Variants in TANC2 observed in about 807,000 individuals in gnomAD.
TANC2 encodes protein TANC2.
Under a neutral mutation model 210.5 loss-of-function variants are expected in TANC2, and 26 were observed. The ratio of observed to expected loss-of-function variants is 0.12; its 90% CI spans 0.09 to 0.17. TANC2 has a LOEUF of 0.17. TANC2 is among the 10% of genes least tolerant of loss of function. The pLI is 1.00. For synonymous variants in TANC2, 931 were observed against 967.1 expected (o/e 0.96, Z 0.69); for missense variants, 2,129 against 2,608.9 (o/e 0.82, Z 4.01).
chr17:63,109,519 A>C, intron 4 of TANC2, among the ~76,000 whole-genome samples: 1 of 151,736 alleles, frequency 6.6e-6, no homozygotes, highest in Non-Finnish European at 1.5e-5. Flanking sequence ...GTAACCATAG[A>C]AATCAAAGAT....
intron 4 of TANC2, among the ~76,000 whole-genome samples, chr17:63,122,862 A>T (rs778917992): frequency 5.6e-4 from 85 of 152,360 alleles, no homozygotes; most frequent in Non-Finnish European, 1.0e-3. Context: ...ATTGTTTATT[A>T]TGTAGACTAG....
chr17:63,427,165 C>T (rs2049165718), exon 28 of TANC2: 1 of 152,258 alleles, frequency 6.6e-6, no homozygotes, highest in Non-Finnish European at 1.5e-5. Flanking sequence ...GCGTGGCCTC[C>T]TTTCCATCTA....
At chr17:62,996,271 C>T (rs1408762364) in intron 1 of TANC2, among the ~76,000 whole-genome samples, 1 of 152,176 alleles carries the variant, frequency 6.6e-6, no homozygotes, top group Admixed American at 6.5e-5. Context: ...TATTTGAGTC[C>T]TTGTGGACAA....
chr17:63,370,485 T>A (rs2047235983), intron 14 of TANC2, among the ~76,000 whole-genome samples: 1 of 152,186 alleles, frequency 6.6e-6, no homozygotes, highest in Non-Finnish European at 1.5e-5. Flanking sequence ...GCCTCCTTAG[T>A]CCTCCTTTCT....
chr17:63,029,323 G>C (rs1469089826), intron 2 of TANC2, among the ~76,000 whole-genome samples: 3 of 152,076 alleles, frequency 2.0e-5, no homozygotes, highest in Non-Finnish European at 4.4e-5. Flanking sequence ...TGCTTAGCCA[G>C]TAGTCTGTGC....
At chr17:63,370,425 G>A (rs552259226) in intron 14 of TANC2, among the ~76,000 whole-genome samples, 4 of 151,908 alleles carry the variant, frequency 2.6e-5, no homozygotes, top group South Asian at 2.1e-4. Flanking sequence ...TGATCCGCCC[G>A]CCTCGGCCTT....
chr17:63,129,904 GA>G (rs1242222185), intron 4 of TANC2, among the ~76,000 whole-genome samples: 1 of 151,608 alleles, frequency 6.6e-6, no homozygotes, highest in Non-Finnish European at 1.5e-5. Flanking sequence ...TAATAATTTT[GA>G]AAACTTTTAT....
intron 21 of TANC2, among the ~76,000 whole-genome samples, chr17:63,408,839 G>C (rs962864351): frequency 6.6e-6 from 1 of 152,222 alleles, no homozygotes; most frequent in African/African-American, 2.4e-5. Flanking sequence ...GGTGCAGTAA[G>C]TTGATCTCTG....
At chr17:63,426,825 C>T (rs2049156451) in exon 28 of TANC2, 2 of 152,236 alleles carry the variant, frequency 1.3e-5, no homozygotes, top group Non-Finnish European at 2.9e-5. Flanking sequence ...GTAGCACTTG[C>T]TGGCTGAATT....
chr17:63,258,372 A>C (rs546011138), intron 8 of TANC2, among the ~76,000 whole-genome samples: 2 of 152,180 alleles, frequency 1.3e-5, no homozygotes, highest in South Asian at 4.2e-4. Flanking sequence ...TTTTACTTGA[A>C]TGTTAATATA....
chr17:63,332,906 G>T (rs1042261864), intron 11 of TANC2, among the ~76,000 whole-genome samples: 1 of 152,178 alleles, frequency 6.6e-6, no homozygotes, highest in East Asian at 1.9e-4. Context: ...AAACCTGGAT[G>T]ATAGCACATC....
intron 4 of TANC2, among the ~76,000 whole-genome samples, chr17:63,109,164 A>G (rs1399082041): frequency 6.6e-6 from 1 of 151,726 alleles, no homozygotes; most frequent in Non-Finnish European, 1.5e-5. Flanking sequence ...TAAATGAACT[A>G]ATAAGGAGAT....
rs548935009 is a variant in TANC2, at chr17:63,420,254, C to T, written c.4524C>T (p.Ser1508=). 5.0e-6 allele frequency: 8 copies of T among 1,613,614 alleles called. No homozygotes were observed. In the African/African-American group the frequency reaches 8.0e-5, roughly 16 times the overall value. The change falls in exon 28 of 28, where the codon TCC becomes TCT. Residue 1508 remains serine (S), a synonymous_variant. Coordinates refer to ENST00000689528, the Ensembl canonical transcript of TANC2. The surrounding 1 kb of genome is among the most constrained non-coding windows in gnomAD (Gnocchi z 4.2). ...TGGAACAGGATGTTGAAAATGTTTCCATTGGCCTCCAGACAGAGGCCCGGC... is the reference window on the plus strand; with the variant it reads ...TGGAACAGGATGTTGAAAATGTTTCTATTGGCCTCCAGACAGAGGCCCGGC...
At position 63,069,432 on chromosome 17, in the gene TANC2, A is replaced by G. The variant is rs146917682; in HGVS notation, c.68-4511A>G. On this transcript the variant is annotated intron_variant, in intron 2 of 27. Coordinates refer to ENST00000689528, the Ensembl canonical transcript of TANC2. The stretch of plus-strand genomic sequence containing the variant: ...GTTTGCTCCTGGTTGAAAATCACCA[A>G]TTTAGAGACTACAAAGTGCTGTCAC... Among the ~76,000 whole-genome samples the G allele has an allele frequency of 5.9e-5, 9 of 152,276 alleles. No homozygotes were observed. The East Asian group carries it at 1.7e-3, about 29-fold the overall frequency.
chr17:63,266,562 T>G (rs2043535302), intron 8 of TANC2, among the ~76,000 whole-genome samples: 1 of 152,172 alleles, frequency 6.6e-6, no homozygotes, highest in African/African-American at 2.4e-5. Context: ...TAGTTTATAT[T>G]GAAGAGCTTA....
chr17:63,299,361 A>G (rs2044636235), intron 9 of TANC2, among the ~76,000 whole-genome samples: 1 of 152,050 alleles, frequency 6.6e-6, no homozygotes, highest in African/African-American at 2.4e-5. Context: ...GACTTCCACA[A>G]TTTTTTAACT....
At chr17:63,056,478 G>A (rs1042344855) in intron 2 of TANC2, among the ~76,000 whole-genome samples, 4 of 152,080 alleles carry the variant, frequency 2.6e-5, no homozygotes, top group African/African-American at 9.7e-5. Flanking sequence ...AGAAGTTTGA[G>A]ACCAGTCCTG....
chr17:63,057,894 A>G (rs775321302), intron 2 of TANC2, among the ~76,000 whole-genome samples: 12 of 152,198 alleles, frequency 7.9e-5, no homozygotes, highest in Non-Finnish European at 1.0e-4. Flanking sequence ...TAATGAACAT[A>G]CATGTGTATG....
intron 24 of TANC2, 138 bp from the exon 25 acceptor site, chr17:63,413,405 G>T: frequency 1.7e-6 from 1 of 585,610 alleles, no homozygotes. Flanking sequence ...ATACTCCCAG[G>T]TCTAAAAGAT....
Sources: allele counts gnomAD v4.1 joint callset (sites outside exome capture counted in the v4.1 genomes callset), GRCh38; gene constraint gnomAD v4.1.1; non-coding constraint Gnocchi (gnomAD v3.1); transcripts MANE v1.5; gene names NCBI Gene and HGNC (gene_info 2026-07-23, HGNC 2026-07-21).